Variants in ABCB5 observed in about 807,000 individuals in gnomAD.
ABCB5 encodes the protein ATP-binding cassette sub-family B member 5.
ABCB5 carries 155 observed loss-of-function variants against 144.2 expected under a neutral mutation model. The ratio of observed to expected loss-of-function variants is 1.08; its 90% CI spans 0.94 to 1.23. The LOEUF (loss-of-function observed/expected upper bound fraction) is 1.23, where lower values mean the gene tolerates loss of function less well. Ranked by LOEUF, ABCB5 falls within the 50% of genes most tolerant of loss-of-function variation. The pLI is 0.00. For synonymous variants in ABCB5, 610 were observed against 528.6 expected (o/e 1.15, Z -2.11); for missense variants, 1,830 against 1,520.8 (o/e 1.20, Z -3.38).
At chr7:20,633,743 A>G (rs146371189) in intron 5 of ABCB5, among the ~76,000 whole-genome samples, 53 of 152,256 alleles carry the variant, frequency 3.5e-4, no homozygotes, top group African/African-American at 1.2e-3. Context: ...TAACTTTAGC[A>G]TTAACAAATA....
intron 16 of ABCB5, 51 bp downstream of exon 16, chr7:20,685,887 T>C: frequency 6.5e-7 from 1 of 1,528,708 alleles, no homozygotes; most frequent in South Asian, 1.3e-5. Flanking sequence ...CTAATTTTGA[T>C]TTAATCCTTA....
At position 20,727,149 on chromosome 7, in the gene ABCB5, AG is replaced by A; in HGVS notation, c.2726+10del. 1.2e-6 allele frequency: 2 copies of A among 1,606,308 alleles called. No individual in the cohort carries two copies. The highest frequency in any genetic ancestry group is 1.7e-6 in the Non-Finnish European group (2 of 1,174,962). On this transcript the variant is annotated intron_variant, in intron 22 of 27. Coordinates refer to ENST00000404938, the MANE Select transcript of ABCB5 (RefSeq NM_001163941.2). ...CTTCAGACTCAACACAGGTGATTAT[AG>A]ATTCATACTGACTTCAAAAACTTAA... is the stretch of plus-strand genomic sequence containing the variant.
intron 14 of ABCB5, among the ~76,000 whole-genome samples, chr7:20,668,839 G>C (rs1704390644): frequency 3.8e-5 from 5 of 133,264 alleles, no homozygotes; most frequent in Admixed American, 7.2e-5. Flanking sequence ...GCCCCGTCCG[G>C]GAGGGAGGTG....
chr7:20,634,082 A>G (rs528614373), intron 5 of ABCB5, among the ~76,000 whole-genome samples: 1 of 151,972 alleles, frequency 6.6e-6, no homozygotes, highest in African/African-American at 2.4e-5. Flanking sequence ...CCATATGTAC[A>G]CATTATTTAG....
In ABCB5 at chr7:20,756,963, G is replaced by C. The variant is rs1783104078; in HGVS notation, c.*1339G>C. 6.6e-6 allele frequency: 1 copy of C among 152,192 alleles called. No individual in the cohort carries two copies. The highest frequency in any genetic ancestry group is 2.1e-4 in the South Asian group (1 of 4,828). 9.4% of individuals were successfully genotyped at this position (152,192 alleles called of 1,614,324 possible). On this transcript the variant is annotated 3_prime_UTR_variant, in exon 28 of 28. Transcript: ENST00000404938. ...AAAATTAAAACCATTTATATATTAT[G>C]CTGCTTTCTTTAAAATGCAAAATAA...
At position 20,643,633 on chromosome 7, in the gene ABCB5, G is replaced by A. The variant is rs750750318; in HGVS notation, c.678+1G>A. On this transcript the variant is annotated splice_donor_variant, in intron 7 of 27. Coordinates refer to ENST00000404938, the MANE Select transcript of ABCB5 (RefSeq NM_001163941.2). LOFTEE classifies it high-confidence loss of function. ...GGCTTCAGCGGCAGCATGTTCTAGG[G>A]TAAGTGAGATGGCTAATGCAATATT... is the stretch of plus-strand genomic sequence containing the variant. 4 of 1,613,730 alleles carry A rather than the reference G, an allele frequency of 2.5e-6. No homozygotes were observed. The highest frequency in any genetic ancestry group is 1.3e-5 in the African/African-American group (1 of 75,048).
chr7:20,715,967 A>G (rs1781663483), intron 20 of ABCB5, among the ~76,000 whole-genome samples: 1 of 151,772 alleles, frequency 6.6e-6, no homozygotes, highest in Admixed American at 6.6e-5. Context: ...TGATCCTCCC[A>G]CCTCGGCCTG....
rs1250992769 is a variant in ABCB5 at position 20,744,338 on chromosome 7, T to C, written c.3223-894T>C. On this transcript the variant is annotated intron_variant, in intron 25 of 27. Transcript: ENST00000404938. The stretch of plus-strand genomic sequence containing the variant: ...CCACCTCAGCCTCCCAGTCTCCTCA[T>C]GTTCTTTAAACACACCTATGAACCT... 3.3e-5 allele frequency among the ~76,000 whole-genome samples: 5 copies of C among 152,042 alleles called. No homozygotes were observed. The East Asian group carries it at 5.8e-4, about 18-fold the overall frequency.
chr7:20,709,667 G>T (rs12673841), intron 20 of ABCB5, among the ~76,000 whole-genome samples: 40,875 of 149,558 alleles, frequency 0.27, 7,671 homozygotes, highest in African/African-American at 0.35. Flanking sequence ...TCACTGAGAT[G>T]TGTAGCATGC....
intron 20 of ABCB5, among the ~76,000 whole-genome samples, chr7:20,720,815 G>T (rs984948201): frequency 1.3e-5 from 2 of 151,584 alleles, no homozygotes; most frequent in African/African-American, 2.4e-5. Flanking sequence ...ATGGTGGTGC[G>T]CGCCTGTAGT....
chr7:20,651,876 T>C (rs1784606269), intron 13 of ABCB5, among the ~76,000 whole-genome samples: 1 of 152,052 alleles, frequency 6.6e-6, no homozygotes, highest in African/African-American at 2.4e-5. Flanking sequence ...TTGTTAATTT[T>C]AGTGTATTTA....
intron 26 of ABCB5, 127 bp downstream of exon 26, chr7:20,745,565 T>A (rs1376278368): frequency 2.1e-6 from 2 of 953,396 alleles, no homozygotes; most frequent in Admixed American, 2.8e-5. Flanking sequence ...AATCTAAAGT[T>A]AGATGTAAAA....
In ABCB5 at chr7:20,756,676, G is replaced by C. The variant is rs962875280; in HGVS notation, c.*1052G>C. ...ATAAATAAGAGCTAATTTTATTGTG[G>C]GTGAAAATTTTTAAACGTCTTTCTC... On this transcript the variant is annotated 3_prime_UTR_variant, in exon 28 of 28. Coordinates refer to ENST00000404938, the MANE Select transcript of ABCB5 (RefSeq NM_001163941.2). The C allele has an allele frequency of 2.0e-5, 3 of 151,748 alleles. No homozygotes were observed. The highest frequency in any genetic ancestry group is 2.1e-4 in the South Asian group (1 of 4,782). The allele number at this position is 151,748 out of a possible 1,614,324, so 9.4% of individuals were successfully genotyped here.
intron 20 of ABCB5, among the ~76,000 whole-genome samples, chr7:20,722,103 C>T (rs937629999): frequency 5.9e-5 from 9 of 152,116 alleles, no homozygotes; most frequent in African/African-American, 1.9e-4. Flanking sequence ...TAAAGATAGA[C>T]TCTTTCTTTA....
chr7:20,651,757 T>A, intron 13 of ABCB5, 134 bp downstream of exon 13: 1 of 914,890 alleles, frequency 1.1e-6, no homozygotes, highest in South Asian at 1.7e-5. Flanking sequence ...TAGAACAAGC[T>A]TGTCCAACCA....
intron 20 of ABCB5, among the ~76,000 whole-genome samples, chr7:20,715,488 G>A (rs1315159370): frequency 2.0e-5 from 3 of 152,012 alleles, no homozygotes; most frequent in African/African-American, 7.3e-5. Flanking sequence ...CTAGTTCACT[G>A]CAACCTCAAA....
At chr7:20,705,280 G>A (rs1446584006) in intron 20 of ABCB5, among the ~76,000 whole-genome samples, 2 of 152,124 alleles carry the variant, frequency 1.3e-5, no homozygotes, top group Non-Finnish European at 2.9e-5. Context: ...AAAAAGAATT[G>A]TGTAATCATG....
At chr7:20,744,780 A>AT (rs1554290738) in intron 25 of ABCB5, among the ~76,000 whole-genome samples, 6 of 151,622 alleles carry the variant, frequency 4.0e-5, no homozygotes, top group Admixed American at 1.3e-4. Flanking sequence ...AAATTAAAAA[A>AT]ATATATATAT....
At chr7:20,685,083 T>C (rs1185543211) in intron 15 of ABCB5, among the ~76,000 whole-genome samples, 2 of 152,180 alleles carry the variant, frequency 1.3e-5, no homozygotes, top group East Asian at 3.8e-4. Flanking sequence ...ACTCCTGGCC[T>C]GAAGTGATCC....
Sources: gnomAD v4.1 joint callset for allele counts (sites outside exome capture counted in the v4.1 genomes callset) on GRCh38, gnomAD v4.1.1 for gene constraint, MANE v1.5 for transcripts, NCBI Gene and HGNC (gene_info 2026-07-23, HGNC 2026-07-21) for gene names.